TP63: variants seen among roughly 807,000 people sequenced by gnomAD.
TP63 encodes the protein tumor protein p63, also known as tumor protein 63.
A neutral mutation model predicts 82.8 loss-of-function variants in TP63; 17 were observed. The observed-to-expected ratio is 0.21, with a 90% CI of 0.14 to 0.31. The LOEUF is 0.31. Among genes scored for constraint, TP63 ranks in the 10% least tolerant of loss-of-function variants. The probability of loss-of-function intolerance (pLI) is 1.00; values close to 1 mark genes in which losing one functional copy is unlikely to be tolerated. For missense variants in TP63, 648 were observed against 895.3 expected, an observed-to-expected ratio of 0.72 and a Z score of 3.52; for synonymous variants, 330 against 321.7, an observed-to-expected ratio of 1.03 and a Z score of -0.28.
At chr3:189,728,831 C>A (rs1719955398) in intron 1 of TP63, among the ~76,000 whole-genome samples, 3 of 152,138 alleles carry the variant, frequency 2.0e-5, no homozygotes, top group African/African-American at 4.8e-5. Flanking sequence ...TGGCGGAGAA[C>A]CTCCCCCATG....
At chr3:189,851,001 A>G (rs936331551) in intron 4 of TP63, among the ~76,000 whole-genome samples, 3 of 152,336 alleles carry the variant, frequency 2.0e-5, no homozygotes, top group African/African-American at 2.4e-5. Context: ...TGCTGTCTTA[A>G]AATTACTTAA....
At chr3:189,892,783 C>T (rs1410502703) in intron 13 of TP63, among the ~76,000 whole-genome samples, 3 of 152,132 alleles carry the variant, frequency 2.0e-5, no homozygotes, top group African/African-American at 2.4e-5. Flanking sequence ...AAGTGCAAGA[C>T]TCCGTCTCAA....
chr3:189,744,653 C>A (rs894824442), intron 3 of TP63, among the ~76,000 whole-genome samples: 3 of 152,212 alleles, frequency 2.0e-5, no homozygotes, highest in Non-Finnish European at 4.4e-5. Context: ...ACTGTCAATA[C>A]CAGTGTGGAA....
intron 4 of TP63, among the ~76,000 whole-genome samples, chr3:189,840,930 G>A (rs575356097): frequency 3.3e-5 from 5 of 151,028 alleles, no homozygotes; most frequent in East Asian, 1.9e-4. Context: ...GCTAGAGAGC[G>A]CTTTGGAATT....
intron 3 of TP63, among the ~76,000 whole-genome samples, chr3:189,742,502 T>C (rs1721073546): frequency 1.3e-5 from 2 of 152,288 alleles, no homozygotes; most frequent in Non-Finnish European, 2.9e-5. Flanking sequence ...TTTAAAACTA[T>C]TCCTTTTTGT....
intron 1 of TP63, among the ~76,000 whole-genome samples, chr3:189,687,999 GA>G (rs5855270): frequency 0.19 from 27,272 of 140,416 alleles, 2,715 homozygotes; most frequent in East Asian, 0.24. Flanking sequence ...TGATCTGAAA[GA>G]AAAAAAAAAA....
intron 4 of TP63, among the ~76,000 whole-genome samples, chr3:189,820,382 A>G (rs943905672): frequency 1.1e-4 from 16 of 152,196 alleles, no homozygotes; most frequent in Non-Finnish European, 1.5e-4. Context: ...CTAGCACGGC[A>G]TGGATTTCAG....
intron 3 of TP63, among the ~76,000 whole-genome samples, chr3:189,741,449 G>A (rs1720980466): frequency 7.3e-6 from 1 of 137,692 alleles, no homozygotes; most frequent in African/African-American, 2.7e-5. Context: ...TGCTACAACG[G>A]GTGTGAGAGT....
At chr3:189,726,867 A>C (rs1719815421) in intron 1 of TP63, among the ~76,000 whole-genome samples, 1 of 152,246 alleles carries the variant, frequency 6.6e-6, no homozygotes. Flanking sequence ...TTTTATGTAC[A>C]TCAGGTGTTA....
At chr3:189,883,717 C>T (rs974238245) in intron 10 of TP63, among the ~76,000 whole-genome samples, 1 of 152,130 alleles carries the variant, frequency 6.6e-6, no homozygotes, top group Non-Finnish European at 1.5e-5. Flanking sequence ...ACTTGTACAA[C>T]ATCCTGCGTC....
At chr3:189,694,190 C>T (rs77752640) in intron 1 of TP63, among the ~76,000 whole-genome samples, 1 of 152,106 alleles carries the variant, frequency 6.6e-6, no homozygotes, top group East Asian at 1.9e-4. Context: ...AATCTTAGAA[C>T]AGTATACAAT....
chr3:189,689,100 TTTTC>T lies in TP63; in HGVS notation c.63-48636_63-48633del, dbSNP rs1454442289. ...GAGTGGCCAGCATTCAAATCTACCT[TTTTC>T]TTTTTTTTTTTTTTTTTTTTTTTTT... On this transcript the variant is annotated intron_variant, in intron 1 of 13. Coordinates refer to ENST00000264731, the MANE Select transcript of TP63 (RefSeq NM_003722.5). 9.5e-3 allele frequency among the ~76,000 whole-genome samples: 231 copies of T among 24,194 alleles called. 52 individuals are homozygous for T. The highest frequency in any genetic ancestry group is 0.071 in the African/African-American group (216 of 3,046). The allele number at this position is 24,194 out of a possible 152,430, so 15.9% of individuals were successfully genotyped here. A position where few individuals can be genotyped will look rare whatever the true frequency, so the allele number is the denominator to read the frequency against.
chr3:189,765,558 G>A (rs899872939), intron 3 of TP63, among the ~76,000 whole-genome samples: 32 of 148,982 alleles, frequency 2.1e-4, no homozygotes, highest in African/African-American at 4.2e-4. Context: ...TCAGCCTCCC[G>A]AGTAGCTGGG....
chr3:189,802,976 T>C (rs557476421), intron 3 of TP63, among the ~76,000 whole-genome samples: 3 of 152,296 alleles, frequency 2.0e-5, no homozygotes, highest in African/African-American at 7.2e-5. Context: ...CTATTATAGA[T>C]AGTAATATCT....
the TP63 span, among the ~76,000 whole-genome samples, chr3:189,616,536 T>G: frequency 6.6e-6 from 1 of 152,188 alleles, no homozygotes; most frequent in African/African-American, 2.4e-5. Flanking sequence ...TCATCCAGTC[T>G]TAGAAGTGAA....
intron 10 of TP63, among the ~76,000 whole-genome samples, chr3:189,878,617 C>T (rs1429443219): frequency 8.3e-5 from 12 of 144,144 alleles, no homozygotes; most frequent in Admixed American, 7.0e-4. Flanking sequence ...TTAGTAGAGA[C>T]GGGATTTCAC....
intron 1 of TP63, among the ~76,000 whole-genome samples, chr3:189,688,714 A>T (rs575328761): frequency 6.6e-6 from 1 of 152,120 alleles, no homozygotes; most frequent in South Asian, 2.1e-4. Context: ...CACCAGTCAC[A>T]CTCTAGGACC....
the TP63 span, among the ~76,000 whole-genome samples, chr3:189,607,883 A>C: frequency 6.6e-6 from 1 of 152,086 alleles, no homozygotes; most frequent in Non-Finnish European, 1.5e-5. Context: ...AAAACTCATG[A>C]CTCTAATATT....
intron 1 of TP63, among the ~76,000 whole-genome samples, chr3:189,653,458 T>C (rs534312674): frequency 1.7e-4 from 26 of 152,362 alleles, no homozygotes; most frequent in African/African-American, 6.3e-4. Flanking sequence ...TTTTCACTCA[T>C]GAGGACAATC....
Sources: gnomAD v4.1 joint callset for allele counts (sites outside exome capture counted in the v4.1 genomes callset) on GRCh38, gnomAD v4.1.1 for gene constraint, MANE v1.5 for transcripts, NCBI Gene and HGNC (gene_info 2026-07-23, HGNC 2026-07-21) for gene names.